The following PLAAT3 variants were observed in gnomAD, a reference collection of about 807,000 sequenced individuals.
PLAAT3 encodes Ca-independent phospholipase A1/2.
PLAAT3 carries 21 observed loss-of-function variants against 16.7 expected under a neutral mutation model. That is an observed-to-expected ratio of 1.26 (90% CI 0.89 to 1.81). PLAAT3 has a LOEUF of 1.81. PLAAT3 is among the 40% of genes most tolerant of loss of function. PLAAT3 has a pLI of 0.00. For synonymous variants in PLAAT3, 76 were observed against 81.7 expected (o/e 0.93, Z 0.38); for missense variants, 219 against 213.7 (o/e 1.02, Z -0.16).
chr11:63,605,120 G>A (rs1027061323), intron 2 of PLAAT3, among the ~76,000 whole-genome samples: 3 of 152,130 alleles, frequency 2.0e-5, no homozygotes, highest in African/African-American at 4.8e-5. Context: ...GAGGCCGGGC[G>A]CAGTGGCTCA....
chr11:63,613,202 G>A (rs1938736503), intron 2 of PLAAT3, among the ~76,000 whole-genome samples: 1 of 152,164 alleles, frequency 6.6e-6, no homozygotes, highest in Non-Finnish European at 1.5e-5. Context: ...ACGAGGTCAG[G>A]AAGTCGAGAC....
At position 63,590,290 on chromosome 11, in the gene PLAAT3, T is replaced by A; in HGVS notation, c.197A>T (p.Tyr66Phe). The A allele has an allele frequency of 6.2e-7, 1 of 1,614,206 alleles. No homozygotes were observed. The highest frequency in any genetic ancestry group is 1.3e-5 in the African/African-American group (1 of 75,066). ...DKAIVKKELL[Y>F]DVAGSDKYQV... ...GTACTTGTCACTCCCGGCCACATCA[T>A]ACAGCAATTCCTTCTTCACGATGGC... is the stretch of plus-strand genomic sequence containing the variant. The change falls in exon 4 of 5, where the codon TAT becomes TTT. Residue 66 changes from tyrosine (Y) to phenylalanine (F), a missense_variant. Coordinates refer to ENST00000415826, the MANE Select transcript of PLAAT3 (RefSeq NM_001128203.2).
At chr11:63,580,156 G>A (rs1937764581) in intron 4 of PLAAT3, among the ~76,000 whole-genome samples, 1 of 152,138 alleles carries the variant, frequency 6.6e-6, no homozygotes, top group Non-Finnish European at 1.5e-5. Flanking sequence ...GAGACTGGAA[G>A]GGAATCTCCC....
chr11:63,589,695 A>T (rs1938089005), intron 4 of PLAAT3, among the ~76,000 whole-genome samples: 1 of 152,186 alleles, frequency 6.6e-6, no homozygotes, highest in Non-Finnish European at 1.5e-5. Context: ...CCAGGTCTGG[A>T]GACTCAACAA....
At chr11:63,594,897 G>C (rs1337382260) in intron 3 of PLAAT3, among the ~76,000 whole-genome samples, 7 of 151,772 alleles carry the variant, frequency 4.6e-5, no homozygotes, top group Admixed American at 2.0e-4. Flanking sequence ...GAGGGGGTGG[G>C]GGTACATGGG....
chr11:63,576,135 T>C (rs1233193571), intron 4 of PLAAT3, among the ~76,000 whole-genome samples: 1 of 152,162 alleles, frequency 6.6e-6, no homozygotes, highest in Non-Finnish European at 1.5e-5. Context: ...CTGGGGAATC[T>C]GGCCCAAATG....
chr11:63,589,298 A>T (rs539957405), intron 4 of PLAAT3, among the ~76,000 whole-genome samples: 1 of 152,092 alleles, frequency 6.6e-6, no homozygotes, highest in South Asian at 2.1e-4. Flanking sequence ...AAAAATAATA[A>T]TAAAAGTGAA....
chr11:63,605,937 C>T (rs926701865), intron 2 of PLAAT3, among the ~76,000 whole-genome samples: 1 of 152,162 alleles, frequency 6.6e-6, no homozygotes, highest in Non-Finnish European at 1.5e-5. Context: ...ACAGCCGACC[C>T]GCGCTCTGTG....
intron 1 of PLAAT3, 117 bp downstream of exon 1, chr11:63,614,268 C>T (rs766497078): frequency 2.9e-5 from 17 of 582,624 alleles, no homozygotes; most frequent in Non-Finnish European, 4.9e-5. Flanking sequence ...GGCGGCTCGG[C>T]AGGCTAGTCT....
chr11:63,614,288 C>T (rs2134439426), intron 1 of PLAAT3, 97 bp downstream of exon 1: 1 of 544,786 alleles, frequency 1.8e-6, no homozygotes, highest in Non-Finnish European at 3.3e-6. Flanking sequence ...TACACCCGCC[C>T]TACCCAATTA....
chr11:63,581,863 G>A (rs887957623), intron 4 of PLAAT3, among the ~76,000 whole-genome samples: 1 of 152,146 alleles, frequency 6.6e-6, no homozygotes, highest in Non-Finnish European at 1.5e-5. Flanking sequence ...AAGAACCTAT[G>A]TTGAAATATT....
chr11:63,598,464 C>G (rs1208130706), intron 2 of PLAAT3, among the ~76,000 whole-genome samples: 1 of 152,244 alleles, frequency 6.6e-6, no homozygotes, highest in Non-Finnish European at 1.5e-5. Flanking sequence ...TGAACTCTTA[C>G]TCTGAGCCAA....
At chr11:63,586,707 A>G (rs568202721) in intron 4 of PLAAT3, among the ~76,000 whole-genome samples, 2 of 152,250 alleles carry the variant, frequency 1.3e-5, no homozygotes, top group African/African-American at 4.8e-5. Flanking sequence ...TTCTTATGCT[A>G]ATATTGTCAC....
At chr11:63,608,168 C>T (rs938822157) in intron 2 of PLAAT3, among the ~76,000 whole-genome samples, 2 of 152,240 alleles carry the variant, frequency 1.3e-5, no homozygotes, top group Non-Finnish European at 2.9e-5. Flanking sequence ...GGCGACAGAG[C>T]AAGACTCCAT....
chr11:63,579,250 T>G (rs1329098503), intron 4 of PLAAT3, among the ~76,000 whole-genome samples: 1 of 152,146 alleles, frequency 6.6e-6, no homozygotes, highest in Non-Finnish European at 1.5e-5. Context: ...TATGGAGAAA[T>G]AGGAACACTT....
chr11:63,576,096 C>T (rs954123072), intron 4 of PLAAT3, among the ~76,000 whole-genome samples: 6 of 152,172 alleles, frequency 3.9e-5, no homozygotes, highest in East Asian at 3.9e-4. Flanking sequence ...CAGAACTTTA[C>T]GCTCCACACA....
chr11:63,581,558 T>C (rs1937816727), intron 4 of PLAAT3, among the ~76,000 whole-genome samples: 1 of 152,206 alleles, frequency 6.6e-6, no homozygotes, highest in Admixed American at 6.5e-5. Flanking sequence ...AAGATGTTTA[T>C]CAAGACAATG....
chr11:63,591,516 G>C (rs936428984), intron 3 of PLAAT3, among the ~76,000 whole-genome samples: 1 of 152,190 alleles, frequency 6.6e-6, no homozygotes, highest in Non-Finnish European at 1.5e-5. Context: ...AGGCCCCCAG[G>C]GTGCCACAGC....
In PLAAT3 at chr11:63,574,526, T is replaced by A. The variant is rs2017632934; in HGVS notation, c.*419A>T. 6.4e-6 allele frequency: 1 copy of A among 155,918 alleles called. No homozygotes were observed. Among genetic ancestry groups the A allele is most frequent in the African/African-American group, 2.4e-5 (1 of 40,914 alleles). The allele number at this position is 155,918 out of a possible 1,614,324, so 9.7% of individuals were successfully genotyped here. A position where few individuals can be genotyped will look rare whatever the true frequency, so the allele number is the denominator to read the frequency against. On this transcript the variant is annotated 3_prime_UTR_variant, in exon 5 of 5. Coordinates refer to ENST00000415826, the MANE Select transcript of PLAAT3 (RefSeq NM_001128203.2). ...AGCTGCTGAGTCTCAGAGGCCATCC[T>A]AGATCTAGTTCCGGGCCAAGGGTCC...
Sources: allele counts gnomAD v4.1 joint callset (sites outside exome capture counted in the v4.1 genomes callset), GRCh38; gene constraint gnomAD v4.1.1; transcripts MANE v1.5; gene names NCBI Gene and HGNC (gene_info 2026-07-23, HGNC 2026-07-21).